GNB5: variants seen among roughly 807,000 people sequenced by gnomAD.
The protein encoded by GNB5 is guanine nucleotide-binding protein subunit beta-5.
Under a neutral mutation model 55.3 loss-of-function variants are expected in GNB5, and 37 were observed. That is an observed-to-expected ratio of 0.67 (90% CI 0.51 to 0.88). The LOEUF (loss-of-function observed/expected upper bound fraction) is 0.88, where lower values mean the gene tolerates loss of function less well. Among genes scored for constraint, GNB5 ranks in the 40% least tolerant of loss-of-function variants. GNB5 has a pLI of 0.00. For synonymous variants in GNB5, 219 were observed against 198.5 expected (o/e 1.10, Z -0.87); for missense variants, 476 against 515.3 (o/e 0.92, Z 0.74).
Position 52,133,410 on chromosome 15 carries a change from A to G in GNB5, c.831T>C (p.Phe277=), listed in dbSNP as rs771977768. 1 of 1,611,916 alleles carries G rather than the reference A, an allele frequency of 6.2e-7. No homozygotes were observed. The change falls in exon 9 of 13, where the codon TTT becomes TTC. Residue 277 remains phenylalanine (F), a synonymous_variant. Transcript: ENST00000261837. Reference sequence around the variant, plus strand: ...TGTTGATGTCAGATTCATGTGTTTCAAAGGCCTGCACGCACTGGCCGGAGC... The same window carrying G: ...TGTTGATGTCAGATTCATGTGTTTCGAAGGCCTGCACGCACTGGCCGGAGC... ...DMRSGQCVQA[F]ETHESDINSV...
rs56709149 is a variant in GNB5 at position 52,122,911 on chromosome 15, T to C, written c.1177-143A>G. 5.0e-3 allele frequency: 3,200 copies of C among 642,746 alleles called. 75 individuals are homozygous for C. The African/African-American group carries it at 0.059, about 12-fold the overall frequency. The allele number at this position is 642,746 out of a possible 1,614,324, so 39.8% of individuals were successfully genotyped here. A position where few individuals can be genotyped will look rare whatever the true frequency, so the allele number is the denominator to read the frequency against. On this transcript the variant is annotated intron_variant, in intron 12 of 12. Coordinates refer to ENST00000261837, the MANE Select transcript of GNB5 (RefSeq NM_016194.4). ...GTGTACACACACACACACACAAACA[T>C]ACACACTCCATCCAAAATAGGGTGC...
rs2033299223 is a variant in GNB5, at chr15:52,122,590, G to A, written c.*167C>T. ...AGGCTCACACTAGTGTATTTCCAGA[G>A]GTGACAGTTTTAATAGTCATATTGG... On this transcript the variant is annotated 3_prime_UTR_variant, in exon 13 of 13. Coordinates refer to ENST00000261837, the MANE Select transcript of GNB5 (RefSeq NM_016194.4). The A allele has an allele frequency of 3.1e-6, 2 of 639,290 alleles. No individual in the cohort carries two copies. The highest frequency in any genetic ancestry group is 2.8e-6 in the Non-Finnish European group (1 of 357,760). The allele number at this position is 639,290 out of a possible 1,614,324, so 39.6% of individuals were successfully genotyped here.
At position 52,117,102 on chromosome 15, in the gene GNB5, A is replaced by ATATATTTTTTTTTTTTTTTTT; in HGVS notation, c.*5654_*5655insAAAAAAAAAAAAAAAAATATA. The ATATATTTTTTTTTTTTTTTTT allele has an allele frequency of 5.7e-5, 5 of 87,100 alleles. No homozygotes were observed. Among genetic ancestry groups the ATATATTTTTTTTTTTTTTTTT allele is most frequent in the African/African-American group, 2.4e-4 (4 of 16,418 alleles). The allele number at this position is 87,100 out of a possible 1,614,324, so 5.4% of individuals were successfully genotyped here. A position where few individuals can be genotyped will look rare whatever the true frequency, so the allele number is the denominator to read the frequency against. On this transcript the variant is annotated 3_prime_UTR_variant, in exon 13 of 13. Transcript: ENST00000261837. ...CCACGCCCAGCTAATATATATATAT[A>ATATATTTTTTTTTTTTTTTTT]TTTTTTTTTAGTACAGACAGGGTTT...
intron 3 of GNB5, among the ~76,000 whole-genome samples, chr15:52,163,851 C>T (rs978942115): frequency 1.3e-5 from 2 of 152,192 alleles, no homozygotes; most frequent in Admixed American, 1.3e-4. Flanking sequence ...TGGTGCCCCT[C>T]TGGGATGGAG....
intron 1 of GNB5, among the ~76,000 whole-genome samples, chr15:52,186,888 C>T (rs569447937): frequency 6.6e-6 from 1 of 152,210 alleles, no homozygotes; most frequent in Admixed American, 6.5e-5. Context: ...GACCTCTGGG[C>T]AACAAAGGTG....
At chr15:52,127,866 T>C (rs539230708) in intron 10 of GNB5, among the ~76,000 whole-genome samples, 1 of 150,214 alleles carries the variant, frequency 6.7e-6, no homozygotes, top group East Asian at 1.9e-4. Flanking sequence ...TGAAGACGAA[T>C]GTCACGTTCA....
chr15:52,124,261 T>C (rs1328900397), intron 12 of GNB5, among the ~76,000 whole-genome samples: 2 of 152,224 alleles, frequency 1.3e-5, no homozygotes, highest in African/African-American at 2.4e-5. Context: ...AGTTGTCGAA[T>C]CTGTGCGAGA....
At chr15:52,156,936 T>TC (rs1301306358) in intron 3 of GNB5, among the ~76,000 whole-genome samples, 1 of 150,986 alleles carries the variant, frequency 6.6e-6, no homozygotes, top group South Asian at 2.1e-4. Context: ...TTTTCCAAAT[T>TC]CTTTTTTTTT....
chr15:52,186,702 G>T (rs1359024528), intron 1 of GNB5, among the ~76,000 whole-genome samples: 1 of 152,188 alleles, frequency 6.6e-6, no homozygotes, highest in Non-Finnish European at 1.5e-5. Flanking sequence ...GCGCTGGTCT[G>T]AACATTTCAA....
chr15:52,187,383 G>A (rs1490083764), intron 1 of GNB5, among the ~76,000 whole-genome samples: 1 of 152,064 alleles, frequency 6.6e-6, no homozygotes, highest in Non-Finnish European at 1.5e-5. Context: ...AGAAGGGACG[G>A]CAGGAAAACA....
In GNB5 at chr15:52,120,289, C is replaced by A. The variant is rs1408539464; in HGVS notation, c.*2468G>T. On this transcript the variant is annotated 3_prime_UTR_variant, in exon 13 of 13. Transcript: ENST00000261837. ...TTCAATCTGCAAAATACAATCTATC[C>A]CATGGAGCTTACCCCTGAGTCTCCA... The A allele has an allele frequency of 6.6e-6, 1 of 152,240 alleles. No individual in the cohort carries two copies. The highest frequency in any genetic ancestry group is 2.4e-5 in the African/African-American group (1 of 41,442). The allele number at this position is 152,240 out of a possible 1,614,324, so 9.4% of individuals were successfully genotyped here.
intron 5 of GNB5, among the ~76,000 whole-genome samples, chr15:52,148,996 TGA>T (rs2034035752): frequency 6.6e-6 from 1 of 152,224 alleles, no homozygotes; most frequent in Non-Finnish European, 1.5e-5. Flanking sequence ...CAGAAGGTGC[TGA>T]GAGAGATGAA....
rs1327262865 is a variant in GNB5, at chr15:52,121,582, T to A, written c.*1175A>T. ...ATCAATCAATCTGCATATGTAATTA[T>A]AATTGCAATGCAATACATATGAATA... On this transcript the variant is annotated 3_prime_UTR_variant, in exon 13 of 13. Coordinates refer to ENST00000261837, the MANE Select transcript of GNB5 (RefSeq NM_016194.4). 1.3e-5 allele frequency: 2 copies of A among 151,966 alleles called. No individual in the cohort carries two copies. Among genetic ancestry groups the A allele is most frequent in the Non-Finnish European group, 2.9e-5 (2 of 68,014 alleles). The allele number at this position is 151,966 out of a possible 1,614,324, so 9.4% of individuals were successfully genotyped here.
intron 9 of GNB5, chr15:52,128,631 G>A (rs2033490988): frequency 4.0e-6 from 2 of 495,486 alleles, no homozygotes; most frequent in Non-Finnish European, 7.9e-6. Context: ...TGTCTGCACT[G>A]ACCATTTACT....
At chr15:52,168,703 T>C (rs1464060296) in intron 3 of GNB5, among the ~76,000 whole-genome samples, 5 of 152,188 alleles carry the variant, frequency 3.3e-5, no homozygotes, top group Non-Finnish European at 5.9e-5. Context: ...GGCATCAGGC[T>C]ACCCAACTTC....
At chr15:52,146,081 C>A (rs967288794) in intron 6 of GNB5, among the ~76,000 whole-genome samples, 3 of 151,596 alleles carry the variant, frequency 2.0e-5, no homozygotes, top group Non-Finnish European at 2.9e-5. Flanking sequence ...CTCAGCCTCC[C>A]GAGTAGCTGG....
chr15:52,172,723 G>C (rs1666425444), intron 3 of GNB5, among the ~76,000 whole-genome samples: 1 of 152,110 alleles, frequency 6.6e-6, no homozygotes, highest in African/African-American at 2.4e-5. Flanking sequence ...CCATGATCGG[G>C]CCACTGTACT....
intron 3 of GNB5, among the ~76,000 whole-genome samples, chr15:52,158,736 C>T (rs528863334): frequency 7.2e-5 from 11 of 152,102 alleles, no homozygotes; most frequent in South Asian, 6.2e-4. Flanking sequence ...GTCTTTACCA[C>T]GCACAAACCC....
intron 3 of GNB5, among the ~76,000 whole-genome samples, chr15:52,175,741 A>AAAACAAACAAAC (rs34147035): frequency 1.3e-5 from 2 of 149,202 alleles, no homozygotes; most frequent in East Asian, 4.0e-4. Flanking sequence ...TCCGTCTCAA[A>AAAACAAACAAAC]AAACAAACAA....
Sources: allele counts gnomAD v4.1 joint callset (sites outside exome capture counted in the v4.1 genomes callset), GRCh38; gene constraint gnomAD v4.1.1; transcripts MANE v1.5; gene names NCBI Gene and HGNC (gene_info 2026-07-23, HGNC 2026-07-21).